ABCB8: variants seen among roughly 807,000 people sequenced by gnomAD.
The protein encoded by ABCB8 is ATP binding cassette subfamily B member 8.
Under a neutral mutation model 73.0 loss-of-function variants are expected in ABCB8, and 52 were observed. That is an observed-to-expected ratio of 0.71 (90% CI 0.57 to 0.90). The LOEUF (loss-of-function observed/expected upper bound fraction) is 0.90, where lower values mean the gene tolerates loss of function less well. Ranked by LOEUF, ABCB8 falls within the 40% of genes least tolerant of loss-of-function variation. ABCB8 has a pLI of 0.00. For missense variants in ABCB8, 909 were observed against 974.6 expected, an observed-to-expected ratio of 0.93 and a Z score of 0.90; for synonymous variants, 428 against 423.5, an observed-to-expected ratio of 1.01 and a Z score of -0.13.
intron 1 of ABCB8, chr7:151,031,302 C>G (rs367669504): frequency 2.2e-5 from 34 of 1,545,478 alleles, no homozygotes; most frequent in Non-Finnish European, 2.8e-5. Flanking sequence ...GTAAGCGTCT[C>G]TATCTTTCTA....
intron 15 of ABCB8, among the ~76,000 whole-genome samples, 192 bp downstream of exon 15, chr7:151,044,413 G>C (rs1366098657): frequency 6.6e-6 from 1 of 152,174 alleles, no homozygotes; most frequent in African/African-American, 2.4e-5. Flanking sequence ...CAGGCCCTCA[G>C]TTTCTTCTTC....
chr7:151,035,798 T>G, intron 6 of ABCB8, 56 bp downstream of exon 6: 1 of 1,609,588 alleles, frequency 6.2e-7, no homozygotes, highest in Non-Finnish European at 8.5e-7. Context: ...CTCTTTCCAC[T>G]CCCCGGAACT....
At position 151,031,263 on chromosome 7, in the gene ABCB8, A is replaced by T. The variant is rs780630336; in HGVS notation, c.96-2342A>T. ...CAGAAACACATGGCGTAATGGGAAA[A>T]CTGGACAGTTACACAAGGCAGAAGG... On this transcript the variant is annotated intron_variant, in intron 1 of 15. Coordinates refer to ENST00000358849, the MANE Select transcript of ABCB8 (RefSeq NM_007188.5). The T allele has an allele frequency of 1.9e-6, 3 of 1,555,030 alleles. No homozygotes were observed. The African/African-American group carries it at 4.1e-5, about 21-fold the overall frequency.
intron 8 of ABCB8, 102 bp downstream of exon 8, chr7:151,036,272 G>T: frequency 8.2e-7 from 1 of 1,224,484 alleles, no homozygotes. Flanking sequence ...CTGGCTGCCT[G>T]CATTCGCCTC....
rs1443073349 is a variant in ABCB8, at chr7:151,045,509, A to G, written c.*160A>G. On this transcript the variant is annotated 3_prime_UTR_variant, in exon 16 of 16. Transcript: ENST00000358849. ...ATAAAGCCGGGGCCGAGCAGCTGGCAGGGGAGGCCAATCCCTCCCTCCCCT... is the reference window on the plus strand; with the variant it reads ...ATAAAGCCGGGGCCGAGCAGCTGGCGGGGGAGGCCAATCCCTCCCTCCCCT... The G allele has an allele frequency of 4.6e-5, 44 of 946,276 alleles. No individual in the cohort carries two copies. Among genetic ancestry groups the G allele is most frequent in the Non-Finnish European group, 5.1e-5 (36 of 704,776 alleles). The allele number at this position is 946,276 out of a possible 1,614,324, so 58.6% of individuals were successfully genotyped here. A position where few individuals can be genotyped will look rare whatever the true frequency, so the allele number is the denominator to read the frequency against.
rs1651954536 is a variant in ABCB8 at position 151,033,659 on chromosome 7, G to A, written c.150G>A (p.Arg50=). The A allele has an allele frequency of 1.2e-6, 2 of 1,607,252 alleles. No individual in the cohort carries two copies. The highest frequency in any genetic ancestry group is 2.2e-5 in the East Asian group (1 of 44,684). ...SSLLRAVAHL[R]SQLWAHLPRA... is the part of the protein sequence containing the mutation. ...TCCTCCGGGCCGTGGCCCACCTGCG[G>A]TCCCAGCTCTGGGCCCACCTCCCTC... Residue 50 remains arginine (R), a synonymous_variant, in exon 2 of 16, where the codon CGG becomes CGA. Transcript: ENST00000358849.
chr7:151,045,087 C>T, intron 15 of ABCB8, 122 bp from the exon 16 acceptor site: 5 of 1,265,272 alleles, frequency 4.0e-6, no homozygotes, highest in Non-Finnish European at 5.3e-6. Flanking sequence ...AGAGTGTCCC[C>T]AGAAGGGACA....
rs1439630648 is a variant in ABCB8 at position 151,044,076 on chromosome 7, C to T, written c.1871C>T (p.Ala624Val). Residue 624 changes from alanine to valine, a missense_variant, in exon 15 of 16, where the codon GCG (alanine) becomes GTG (valine). Transcript: ENST00000358849. ...CTGATACTGGATGAAGCTACCAGCG[C>T]GCTGGATGCAGAGTCCGAGCGGGTT... ...TVLILDEATS[A>V]LDAESERVVQ... The T allele has an allele frequency of 5.6e-6, 9 of 1,613,658 alleles. No individual in the cohort carries two copies. Among genetic ancestry groups the T allele is most frequent in the Non-Finnish European group, 6.8e-6 (8 of 1,179,988 alleles).
Position 151,033,770 on chromosome 7 carries a change from T to A in ABCB8, c.261T>A (p.His87Gln). 6.2e-7 allele frequency: 1 copy of A among 1,614,036 alleles called. No individual in the cohort carries two copies. Among genetic ancestry groups the A allele is most frequent in the Middle Eastern group, 1.7e-4 (1 of 6,060 alleles). Residue 87 changes from histidine (H) to glutamine (Q), a missense_variant, in exon 2 of 16, where the codon CAT becomes CAA. Transcript: ENST00000358849. ...ALLGPMVLSK[H>Q]PHLCLVALCE... ...TAGGCCCCATGGTACTGAGTAAGCA[T>A]CCCCACCTCTGCCTTGTGGCCCTGT...
At chr7:151,034,630 G>T in intron 4 of ABCB8, 31 bp downstream of exon 4, 2 of 1,613,724 alleles carry the variant, frequency 1.2e-6, no homozygotes, top group Non-Finnish European at 8.5e-7. Context: ...CAGAGTTGGG[G>T]TGACTGATGG....
At chr7:151,036,450 C>G in intron 8 of ABCB8, 94 bp from the exon 9 acceptor site, 1 of 1,181,080 alleles carries the variant, frequency 8.5e-7, no homozygotes, top group East Asian at 2.3e-5. Context: ...AGTCATGCGC[C>G]TCACCTGACT....
At chr7:151,041,030 A>C in intron 12 of ABCB8, 69 bp from the exon 13 acceptor site, 1 of 1,584,628 alleles carries the variant, frequency 6.3e-7, no homozygotes. Context: ...CCACTGCCAC[A>C]AGGGGCCTTC....
At chr7:151,036,409 C>T in intron 8 of ABCB8, 135 bp from the exon 9 acceptor site, 1 of 916,738 alleles carries the variant, frequency 1.1e-6, no homozygotes, top group Middle Eastern at 2.2e-4. Flanking sequence ...CCCCAACTTG[C>T]TCTTCCGAGG....
chr7:151,043,157 G>A (rs928715270), intron 14 of ABCB8, among the ~76,000 whole-genome samples: 1 of 152,220 alleles, frequency 6.6e-6, no homozygotes, highest in African/African-American at 2.4e-5. Context: ...ACAGAGACCC[G>A]GGAGGCTGGG....
chr7:151,033,483 G>A, intron 1 of ABCB8, 122 bp from the exon 2 acceptor site: 1 of 1,461,104 alleles, frequency 6.8e-7, no homozygotes, highest in Non-Finnish European at 9.0e-7. Context: ...AAGGGCAGGG[G>A]CAAGGGCCTG....
chr7:151,028,767 CAATT>C, intron 1 of ABCB8, 157 bp downstream of exon 1: 1 of 1,535,992 alleles, frequency 6.5e-7, no homozygotes, highest in Middle Eastern at 1.8e-4. Flanking sequence ...GTGTTGGCCT[CAATT>C]ATTTATAGTG....
chr7:151,040,775 G>A, intron 11 of ABCB8, 53 bp from the exon 12 acceptor site: 1 of 1,592,198 alleles, frequency 6.3e-7, no homozygotes, highest in Non-Finnish European at 8.6e-7. Context: ...GAGGGACCCG[G>A]GCAACAAGGG....
chr7:151,040,661 A>C, intron 11 of ABCB8, 27 bp downstream of exon 11: 1 of 1,605,816 alleles, frequency 6.2e-7, no homozygotes, highest in Non-Finnish European at 8.5e-7. Flanking sequence ...AGGCGTGGGG[A>C]TGGGTCCCTG....
intron 14 of ABCB8, 49 bp from the exon 15 acceptor site, chr7:151,043,922 A>AC: frequency 6.3e-7 from 1 of 1,594,880 alleles, no homozygotes; most frequent in Non-Finnish European, 8.6e-7. Flanking sequence ...TTTGTGGGCC[A>AC]CCCTCAAGTG....
Sources: allele counts gnomAD v4.1 joint callset (sites outside exome capture counted in the v4.1 genomes callset), GRCh38; gene constraint gnomAD v4.1.1; transcripts MANE v1.5; gene names NCBI Gene and HGNC (gene_info 2026-07-23, HGNC 2026-07-21).